Variants in TBXAS1 observed in about 807,000 individuals in gnomAD.
TBXAS1 encodes the protein thromboxane-A synthase.
TBXAS1 carries 48 observed loss-of-function variants against 60.7 expected under a neutral mutation model. The ratio of observed to expected loss-of-function variants is 0.79; its 90% CI spans 0.63 to 1.01. The LOEUF (loss-of-function observed/expected upper bound fraction) is 1.01. Ranked by LOEUF, TBXAS1 falls within the 50% of genes least tolerant of loss-of-function variation. The pLI, the probability that TBXAS1 is intolerant of heterozygous loss-of-function variation, is 0.00. For synonymous variants in TBXAS1, 287 were observed against 269.7 expected, an observed-to-expected ratio of 1.06 and a Z score of -0.63; for missense variants, 685 against 686.3, an observed-to-expected ratio of 1.00 and a Z score of 0.02.
intron 4 of TBXAS1, among the ~76,000 whole-genome samples, chr7:139,794,299 CA>C (rs2116327189): frequency 6.6e-6 from 1 of 152,128 alleles, no homozygotes; most frequent in African/African-American, 2.4e-5. Context: ...GAGGTTTCAC[CA>C]TGTTGGCCAG....
intron 1 of TBXAS1, among the ~76,000 whole-genome samples, chr7:139,844,572 G>A (rs192989688): frequency 1.6e-4 from 24 of 152,230 alleles, no homozygotes; most frequent in African/African-American, 5.3e-4. Flanking sequence ...CCACCATCGC[G>A]TTGTCAATAA....
rs1808277884 is a variant in TBXAS1 at position 139,941,402 on chromosome 7, A to T, written c.450+5095A>T. On this transcript the variant is annotated intron_variant, in intron 5 of 12. Coordinates refer to ENST00000448866, the MANE Select transcript of TBXAS1 (RefSeq NM_001061.7). Reference sequence around the variant, plus strand: ...ATGGCTTTAAAATGAGCATCATATCATGAAGCCATATTTGTATTTAAATTA... The same window carrying T: ...ATGGCTTTAAAATGAGCATCATATCTTGAAGCCATATTTGTATTTAAATTA... Among the ~76,000 whole-genome samples the T allele has an allele frequency of 4.7e-5, 7 of 150,444 alleles. No individual in the cohort carries two copies. In the South Asian group the frequency reaches 1.5e-3, roughly 32 times the overall value.
intron 1 of TBXAS1, among the ~76,000 whole-genome samples, chr7:139,858,294 T>A (rs921077260): frequency 6.6e-5 from 10 of 152,176 alleles, no homozygotes; most frequent in Non-Finnish European, 1.5e-4. Flanking sequence ...TAATGATTTT[T>A]CTGGGGATGG....
chr7:140,003,110 G>A (rs1341960274), intron 9 of TBXAS1, among the ~76,000 whole-genome samples: 5 of 138,362 alleles, frequency 3.6e-5, no homozygotes, highest in Non-Finnish European at 7.7e-5. Flanking sequence ...GGCAACAAGA[G>A]CGAAACTCCG....
At chr7:139,941,298 G>A (rs560220523) in intron 5 of TBXAS1, among the ~76,000 whole-genome samples, 2 of 152,142 alleles carry the variant, frequency 1.3e-5, no homozygotes, top group African/African-American at 4.8e-5. Context: ...CTTTAAGTAT[G>A]GTCAATATTC....
intron 5 of TBXAS1, among the ~76,000 whole-genome samples, chr7:139,938,746 T>C (rs73158671): frequency 0.037 from 5,675 of 152,138 alleles, 140 homozygotes; most frequent in Non-Finnish European, 0.055. Flanking sequence ...CATGGCACTA[T>C]AGAAGTAGAA....
rs140172904 is a variant in TBXAS1, at chr7:139,922,193, CTGGG to C, written c.333+10874_333+10877del. Among the ~76,000 whole-genome samples, 1,007 of 151,640 alleles carry C rather than the reference CTGGG, an allele frequency of 6.6e-3. 11 individuals carry two copies. The highest frequency in any genetic ancestry group is 0.023 in the African/African-American group (963 of 41,298). On this transcript the variant is annotated intron_variant, in intron 4 of 12. Coordinates refer to ENST00000448866, the MANE Select transcript of TBXAS1 (RefSeq NM_001061.7). ...CTCAGCTCACTACAACCTCTGCCTCCTGGGTTCAAGCGATTCTCCTGCCTCAGCC... is the reference window on the plus strand; with the variant it reads ...CTCAGCTCACTACAACCTCTGCCTCCTTCAAGCGATTCTCCTGCCTCAGCC...
At chr7:139,833,609 T>C (rs1798861943) in intron 1 of TBXAS1, among the ~76,000 whole-genome samples, 1 of 150,878 alleles carries the variant, frequency 6.6e-6, no homozygotes, top group Non-Finnish European at 1.5e-5. Context: ...CACTTAAATC[T>C]GGGAGGTGGA....
At chr7:139,992,020 G>A (rs1211884637) in intron 9 of TBXAS1, among the ~76,000 whole-genome samples, 1 of 152,176 alleles carries the variant, frequency 6.6e-6, no homozygotes, top group Non-Finnish European at 1.5e-5. Flanking sequence ...AGGATGGCAT[G>A]GAATGGCCTT....
chr7:140,016,050 C>T (rs1255404471), intron 11 of TBXAS1, among the ~76,000 whole-genome samples, 190 bp downstream of exon 11: 1 of 152,130 alleles, frequency 6.6e-6, no homozygotes, highest in Admixed American at 6.5e-5. Flanking sequence ...ATTTTTTAGC[C>T]ACGCGTGGTG....
rs1800324951 is a variant in TBXAS1, at chr7:139,852,951, C to T, written c.90-19284C>T. Among the ~76,000 whole-genome samples the T allele has an allele frequency of 2.1e-5, 2 of 95,126 alleles. No individual in the cohort carries two copies. Among genetic ancestry groups the T allele is most frequent in the African/African-American group, 7.4e-5 (2 of 26,912 alleles). 62.4% of individuals were successfully genotyped at this position (95,126 alleles called of 152,430 possible). ...CTACTCCAATACACACACACACACA[C>T]ACACACACACACACACACACACACA... On this transcript the variant is annotated intron_variant, in intron 1 of 12. Transcript: ENST00000448866. The surrounding 1 kb of genome is among the most constrained non-coding windows in gnomAD (Gnocchi z 4.4).
chr7:139,992,072 G>A (rs1181263834), intron 9 of TBXAS1, among the ~76,000 whole-genome samples: 2 of 152,224 alleles, frequency 1.3e-5, no homozygotes, highest in African/African-American at 4.8e-5. Context: ...AGCCCTCCCT[G>A]TCCGCTCTAG....
At chr7:139,903,249 T>A (rs1419564352) in intron 3 of TBXAS1, among the ~76,000 whole-genome samples, 3 of 152,088 alleles carry the variant, frequency 2.0e-5, no homozygotes, top group African/African-American at 7.3e-5. Context: ...TCCAGTCTCA[T>A]CCAAGTCACT....
intron 9 of TBXAS1, among the ~76,000 whole-genome samples, chr7:139,973,959 G>A (rs1196703743): frequency 5.3e-5 from 8 of 152,160 alleles, no homozygotes; most frequent in African/African-American, 1.9e-4. Context: ...TCCTGCAAAA[G>A]AATCCTTATT....
chr7:139,936,259 G>T lies in TBXAS1; in HGVS notation c.402G>T (p.Glu134Asp), dbSNP rs1807774247. ...TTTTACGTGACAAAAGATGGGAAGAGGTCAGAGGTGCCCTGATGTCTGCTT... is the reference window on the plus strand; with the variant it reads ...TTTTACGTGACAAAAGATGGGAAGATGTCAGAGGTGCCCTGATGTCTGCTT... ...VLFLRDKRWE[E>D]VRGALMSAFS... Residue 134 changes from glutamate (E) to aspartate (D), a missense_variant, in exon 5 of 13, where the codon GAG becomes GAT. Glu to Asp is a conservative substitution (Grantham distance 45). Transcript: ENST00000448866. 6.2e-7 allele frequency: 1 copy of T among 1,614,228 alleles called. No individual in the cohort carries two copies. Among genetic ancestry groups the T allele is most frequent in the East Asian group, 2.2e-5 (1 of 44,888 alleles).
intron 8 of TBXAS1, among the ~76,000 whole-genome samples, chr7:139,960,102 A>G (rs1041046537): frequency 6.6e-6 from 1 of 152,054 alleles, no homozygotes; most frequent in South Asian, 2.1e-4. Context: ...AGCTATTACA[A>G]CCCAGCAGGC....
chr7:139,840,753 A>G (rs1799379570), intron 1 of TBXAS1, among the ~76,000 whole-genome samples: 1 of 152,196 alleles, frequency 6.6e-6, no homozygotes, highest in African/African-American at 2.4e-5. Context: ...AGCGAACAGA[A>G]GCAGGGCCCA....
chr7:139,845,550 G>T (rs752496681), intron 1 of TBXAS1, among the ~76,000 whole-genome samples: 6 of 151,980 alleles, frequency 3.9e-5, no homozygotes, highest in Non-Finnish European at 7.4e-5. Flanking sequence ...GCTCCCCAAG[G>T]GCAGGATTGG....
intron 9 of TBXAS1, among the ~76,000 whole-genome samples, chr7:139,986,439 T>C (rs1016663619): frequency 4.2e-4 from 64 of 152,072 alleles, no homozygotes; most frequent in African/African-American, 1.3e-3. Context: ...TTAGGGGTGA[T>C]TTGTGAGATT....
Sources: allele counts gnomAD v4.1 joint callset (sites outside exome capture counted in the v4.1 genomes callset), GRCh38; gene constraint gnomAD v4.1.1; non-coding constraint Gnocchi (gnomAD v3.1); transcripts MANE v1.5; gene names NCBI Gene and HGNC (gene_info 2026-07-23, HGNC 2026-07-21).